Variants in RORA observed in about 807,000 individuals in gnomAD.
RORA encodes nuclear receptor ROR-alpha.
A neutral mutation model predicts 69.5 loss-of-function variants in RORA; 7 were observed. The observed-to-expected ratio is 0.10, with a 90% CI of 0.06 to 0.19. The LOEUF (loss-of-function observed/expected upper bound fraction) is 0.19. Among genes scored for constraint, RORA ranks in the 10% least tolerant of loss-of-function variants. The probability of loss-of-function intolerance (pLI) is 1.00; values close to 1 mark genes in which losing one functional copy is unlikely to be tolerated. For missense variants in RORA, 457 were observed against 663.0 expected, an observed-to-expected ratio of 0.69 and a Z score of 3.41; for synonymous variants, 261 against 240.8, an observed-to-expected ratio of 1.08 and a Z score of -0.78.
chr15:61,211,507 A>T (rs1308243325), intron 1 of RORA, among the ~76,000 whole-genome samples: 1 of 152,220 alleles, frequency 6.6e-6, no homozygotes, highest in African/African-American at 2.4e-5. Flanking sequence ...CCCACACCAT[A>T]AAAAACAGGC....
intron 1 of RORA, among the ~76,000 whole-genome samples, chr15:61,200,680 ACT>A (rs1216057779): frequency 6.6e-6 from 1 of 152,256 alleles, no homozygotes; most frequent in East Asian, 1.9e-4. Flanking sequence ...ACAGGCTTAA[ACT>A]TTATCAACAT....
rs750698799 is a variant in RORA, at chr15:61,229,029, C to T, written c.166+24G>A. 2.0e-5 allele frequency: 29 copies of T among 1,446,988 alleles called. No individual in the cohort carries two copies. The South Asian group carries it at 3.5e-4, about 18-fold the overall frequency. 89.6% of individuals were successfully genotyped at this position (1,446,988 alleles called of 1,614,324 possible). On this transcript the variant is annotated intron_variant, in intron 1 of 10. Coordinates refer to ENST00000335670, the MANE Select transcript of RORA (RefSeq NM_134261.3). ...GCGCCCGGGCTCCCGCCGCCCCCTCCCCAGCCCCTCTCCAGCCTCCTACCT... is the reference window on the plus strand; with the variant it reads ...GCGCCCGGGCTCCCGCCGCCCCCTCTCCAGCCCCTCTCCAGCCTCCTACCT...
At chr15:60,516,181 ATAT>A (rs1433350188) in intron 3 of RORA, among the ~76,000 whole-genome samples, 1 of 27,648 alleles carries the variant, frequency 3.6e-5, no homozygotes, top group African/African-American at 2.2e-4. Context: ...ATTTATATAT[ATAT>A]TTATATATAT....
intron 1 of RORA, among the ~76,000 whole-genome samples, chr15:60,805,617 A>T (rs949571550): frequency 6.6e-5 from 10 of 152,204 alleles, no homozygotes; most frequent in Admixed American, 6.5e-4. Flanking sequence ...ACACCTAGTT[A>T]GCACTCAATC....
intron 1 of RORA, among the ~76,000 whole-genome samples, chr15:60,839,180 G>A (rs112590603): frequency 6.6e-6 from 1 of 152,112 alleles, no homozygotes; most frequent in African/African-American, 2.4e-5. Flanking sequence ...TTACAGGCGT[G>A]AGCCACCGCG....
chr15:60,675,308 C>A lies in RORA; in HGVS notation c.196+3349G>T, dbSNP rs115601103. On this transcript the variant is annotated intron_variant, in intron 2 of 10. Coordinates refer to ENST00000335670, the MANE Select transcript of RORA (RefSeq NM_134261.3). ...AAACTTGTGAAACACCAAAGCAAAG[C>A]AATCTTGAAGGGGTCCAACCAAATA... Among the ~76,000 whole-genome samples the A allele has an allele frequency of 3.1e-3, 476 of 152,276 alleles. 1 individual carries two copies. Among genetic ancestry groups the A allele is most frequent in the African/African-American group, 0.011 (456 of 41,556 alleles).
chr15:60,591,952 CGCG>C (rs1238669566), intron 2 of RORA, among the ~76,000 whole-genome samples: 2 of 152,046 alleles, frequency 1.3e-5, no homozygotes, highest in African/African-American at 4.8e-5. Context: ...CCTGCCCGGC[CGCG>C]GCGCCTCCCC....
At chr15:60,626,271 A>G (rs1410163483) in intron 2 of RORA, among the ~76,000 whole-genome samples, 1 of 152,150 alleles carries the variant, frequency 6.6e-6, no homozygotes, top group African/African-American at 2.4e-5. Context: ...CCCTCTTGGA[A>G]CTGACAGGGA....
chr15:61,026,513 T>C (rs1895823571), intron 1 of RORA, among the ~76,000 whole-genome samples: 1 of 152,232 alleles, frequency 6.6e-6, no homozygotes, highest in South Asian at 2.1e-4. Flanking sequence ...AGTATACTTC[T>C]TTCTGTCTCC....
At chr15:60,834,486 A>G (rs113689171) in intron 1 of RORA, among the ~76,000 whole-genome samples, 9 of 152,312 alleles carry the variant, frequency 5.9e-5, no homozygotes, top group African/African-American at 2.2e-4. Flanking sequence ...AGTGGCTTCT[A>G]CTCAGCAAGC....
chr15:60,490,464 C>T lies in RORA; in HGVS notation c.*6991G>A, dbSNP rs2065024277. 2 of 151,736 alleles carry T rather than the reference C, an allele frequency of 1.3e-5. No individual in the cohort carries two copies. The highest frequency in any genetic ancestry group is 1.3e-4 in the Admixed American group (2 of 15,218). The allele number at this position is 151,736 out of a possible 1,614,324, so 9.4% of individuals were successfully genotyped here. A position where few individuals can be genotyped will look rare whatever the true frequency, so the allele number is the denominator to read the frequency against. On this transcript the variant is annotated 3_prime_UTR_variant, in exon 11 of 11. Coordinates refer to ENST00000335670, the MANE Select transcript of RORA (RefSeq NM_134261.3). The surrounding 1 kb of genome is among the most constrained non-coding windows in gnomAD (Gnocchi z 4.1). ...TTTTCTTATCTATACAGAATGAAAG[C>T]CAAAAAGTTAACTGTATAGAGATGT...
At chr15:60,879,169 AG>A (rs2073651898) in intron 1 of RORA, among the ~76,000 whole-genome samples, 1 of 152,248 alleles carries the variant, frequency 6.6e-6, no homozygotes, top group South Asian at 2.1e-4. Flanking sequence ...GCAGCAGCAA[AG>A]AATGATCACC....
intron 1 of RORA, among the ~76,000 whole-genome samples, chr15:60,827,874 A>G (rs1366455845): frequency 6.6e-6 from 1 of 152,208 alleles, no homozygotes; most frequent in Non-Finnish European, 1.5e-5. Context: ...AACGATGACA[A>G]CTACTGTTTG....
intron 1 of RORA, among the ~76,000 whole-genome samples, chr15:60,890,444 C>T (rs1247957384): frequency 2.6e-5 from 4 of 152,196 alleles, no homozygotes; most frequent in Non-Finnish European, 4.4e-5. Flanking sequence ...ACACCATCTC[C>T]GCTTTTCTCT....
In RORA at chr15:60,495,283, AC is replaced by A. The variant is rs2065139377; in HGVS notation, c.*2171del. The A allele has an allele frequency of 6.6e-6, 1 of 152,148 alleles. No individual in the cohort carries two copies. The highest frequency in any genetic ancestry group is 1.5e-5 in the Non-Finnish European group (1 of 68,026). 9.4% of individuals were successfully genotyped at this position (152,148 alleles called of 1,614,324 possible). A position where few individuals can be genotyped will look rare whatever the true frequency, so the allele number is the denominator to read the frequency against. On this transcript the variant is annotated 3_prime_UTR_variant, in exon 11 of 11. Transcript: ENST00000335670. The stretch of plus-strand genomic sequence containing the variant: ...TTACTTAAATTAAAGATTTGATTTA[AC>A]CCTTCTTGCCCCAATATAAATACTA...
At chr15:61,129,822 G>A (rs2079174577) in intron 1 of RORA, among the ~76,000 whole-genome samples, 2 of 152,174 alleles carry the variant, frequency 1.3e-5, no homozygotes, top group African/African-American at 4.8e-5. Context: ...TGAAAGAGAT[G>A]CAGAACTGGG....
intron 7 of RORA, 80 bp downstream of exon 7, chr15:60,503,455 T>C (rs1293801641): frequency 3.4e-6 from 5 of 1,467,530 alleles, no homozygotes; most frequent in Non-Finnish European, 4.7e-6. Context: ...TCCCGACACC[T>C]TCCTTACCAA....
At chr15:60,630,934 T>C (rs964432485) in intron 2 of RORA, among the ~76,000 whole-genome samples, 8 of 141,180 alleles carry the variant, frequency 5.7e-5, no homozygotes, top group Admixed American at 1.5e-4. Context: ...GTCACCAAGC[T>C]GGAGTACAGT....
At chr15:60,516,057 TTATATATATTTA>T (rs1567051652) in intron 3 of RORA, among the ~76,000 whole-genome samples, 1 of 6,090 alleles carries the variant, frequency 1.6e-4, no homozygotes, top group African/African-American at 4.5e-4. Context: ...TTATATATAT[TTATATATATTTA>T]TATATATTTA....
Sources: gnomAD v4.1 joint callset for allele counts (sites outside exome capture counted in the v4.1 genomes callset) on GRCh38, gnomAD v4.1.1 for gene constraint, Gnocchi (gnomAD v3.1) non-coding constraint, MANE v1.5 for transcripts, NCBI Gene and HGNC (gene_info 2026-07-23, HGNC 2026-07-21) for gene names.